The following PHF21B variants were observed in gnomAD, a reference collection of about 807,000 sequenced individuals.
The protein encoded by PHF21B is PHD finger protein 4.
A neutral mutation model predicts 62.2 loss-of-function variants in PHF21B; 22 were observed. That is an observed-to-expected ratio of 0.35 (90% confidence interval 0.25 to 0.51). The LOEUF (loss-of-function observed/expected upper bound fraction) is 0.51, where lower values mean the gene tolerates loss of function less well. Ranked by LOEUF, PHF21B falls within the 20% of genes least tolerant of loss-of-function variation. The pLI, the probability that PHF21B is intolerant of heterozygous loss-of-function variation, is 0.97. For missense variants in PHF21B, 701 were observed against 707.9 expected (o/e 0.99, Z 0.11); for synonymous variants, 341 against 314.7 (o/e 1.08, Z -0.88).
At chr22:44,976,722 C>T (rs988253681) in intron 2 of PHF21B, among the ~76,000 whole-genome samples, 19 of 152,232 alleles carry the variant, frequency 1.2e-4, no homozygotes, top group African/African-American at 4.6e-4. Flanking sequence ...AAGCCCCACA[C>T]CTACAGGCCC....
At chr22:45,002,042 T>C (rs2073230035) in intron 2 of PHF21B, 1 of 152,230 alleles carries the variant, frequency 6.6e-6, no homozygotes, top group Admixed American at 6.5e-5. Flanking sequence ...ACCAAAATGA[T>C]AGAATGCTGA....
Position 45,009,461 on chromosome 22 carries a change from C to T in PHF21B, c.54+35G>A. On this transcript the variant is annotated intron_variant, in intron 1 of 12. Transcript: ENST00000313237. The surrounding 1 kb of genome is among the most constrained non-coding windows in gnomAD (Gnocchi z 5.9). ...CCCGACCCCCTCACCCCGCAACACA[C>T]TCCCCGGCCCCGGGCCCGGCCCCCG... The T allele has an allele frequency of 1.3e-6, 2 of 1,521,504 alleles. No homozygotes were observed. The highest frequency in any genetic ancestry group is 2.4e-5 in the South Asian group (2 of 82,630). 94.3% of individuals were successfully genotyped at this position (1,521,504 alleles called of 1,614,324 possible).
intron 2 of PHF21B, among the ~76,000 whole-genome samples, chr22:44,988,101 T>G (rs1335737559): frequency 6.6e-6 from 1 of 152,186 alleles, no homozygotes; most frequent in Non-Finnish European, 1.5e-5. Flanking sequence ...GAGAACATCT[T>G]TGTGGAATAC....
At chr22:44,910,917 T>C (rs1351893704) in intron 5 of PHF21B, among the ~76,000 whole-genome samples, 2 of 152,222 alleles carry the variant, frequency 1.3e-5, no homozygotes, top group Non-Finnish European at 2.9e-5. Flanking sequence ...CAGAACTTAC[T>C]AGAGATTTGT....
chr22:44,976,810 A>C (rs2072745830), intron 2 of PHF21B, among the ~76,000 whole-genome samples: 1 of 152,252 alleles, frequency 6.6e-6, no homozygotes, highest in Admixed American at 6.5e-5. Context: ...TTGAAGAATA[A>C]TACCAGAAGC....
At chr22:44,936,108 G>T (rs756329679) in intron 2 of PHF21B, among the ~76,000 whole-genome samples, 1 of 152,234 alleles carries the variant, frequency 6.6e-6, no homozygotes. Flanking sequence ...TCCAAATACC[G>T]TGGAGAACAT....
chr22:44,986,930 C>T (rs992934953), intron 2 of PHF21B, among the ~76,000 whole-genome samples: 1 of 151,854 alleles, frequency 6.6e-6, no homozygotes, highest in Non-Finnish European at 1.5e-5. Flanking sequence ...GGTCCTGGAG[C>T]TGGGGAAAGG....
intron 2 of PHF21B, among the ~76,000 whole-genome samples, chr22:44,951,927 T>C (rs1051344671): frequency 2.0e-5 from 3 of 152,216 alleles, no homozygotes; most frequent in African/African-American, 7.2e-5. Flanking sequence ...AAAGAGGTGG[T>C]GAACAAGAGT....
chr22:44,907,687 A>G (rs748142487), intron 5 of PHF21B, among the ~76,000 whole-genome samples: 1 of 152,332 alleles, frequency 6.6e-6, no homozygotes, highest in Non-Finnish European at 1.5e-5. Flanking sequence ...ACTTACATCT[A>G]TCCTGATTCT....
intron 2 of PHF21B, among the ~76,000 whole-genome samples, chr22:45,007,038 G>C (rs1339625583): frequency 6.6e-6 from 1 of 151,944 alleles, no homozygotes. Flanking sequence ...CCGGGGCCGC[G>C]CGCCGGGCCC....
chr22:44,888,005 C>T lies in PHF21B; in HGVS notation c.1155G>A (p.Thr385=), dbSNP rs767144629. 2.9e-5 allele frequency: 45 copies of T among 1,570,940 alleles called. No individual in the cohort carries two copies. The highest frequency in any genetic ancestry group is 6.9e-5 in the East Asian group (3 of 43,276). The change falls in exon 10 of 13, where the codon ACG becomes ACA. Residue 385 remains threonine (T), a synonymous_variant. Transcript: ENST00000313237. The part of the protein sequence containing the change: ...HLSCLEPPLK[T]APKGVWVCPR... ...GGCACACCCACACGCCCTTGGGCGC[C>T]GTCTTGAGGGGCGGCTCCAGGCAGC...
rs556878059 is a variant in PHF21B at position 44,954,730 on chromosome 22, G to T, written c.121-34240C>A. Among the ~76,000 whole-genome samples, 31 of 152,326 alleles carry T rather than the reference G, an allele frequency of 2.0e-4. 1 individual carries two copies. Among genetic ancestry groups the T allele is most frequent in the African/African-American group, 6.7e-4 (28 of 41,564 alleles). ...CAACATCCATCTCTAGGCACCGAGC[G>T]TATTGTGTTTGTAGAGACCGGGCTT... On this transcript the variant is annotated intron_variant, in intron 2 of 12. Coordinates refer to ENST00000313237, the MANE Select transcript of PHF21B (RefSeq NM_138415.5).
intron 2 of PHF21B, among the ~76,000 whole-genome samples, chr22:44,973,152 C>T (rs2072671249): frequency 6.6e-6 from 1 of 152,136 alleles, no homozygotes. Flanking sequence ...CAGAAGTCCC[C>T]GAGGGGCTGC....
chr22:44,902,544 A>G (rs2147275812), intron 5 of PHF21B: 1 of 156,052 alleles, frequency 6.4e-6, no homozygotes, highest in East Asian at 1.8e-4. Context: ...TGCTGTATCC[A>G]TGGCCCTCTG....
At chr22:45,007,564 A>AGAAGGAG (rs1315400302) in intron 2 of PHF21B, among the ~76,000 whole-genome samples, 2 of 14,998 alleles carry the variant, frequency 1.3e-4, no homozygotes, top group Admixed American at 9.6e-4. Context: ...CGGGGCGCGA[A>AGAAGGAG]GGAGGGAGGG....
chr22:44,925,218 T>C (rs775046390), intron 2 of PHF21B, among the ~76,000 whole-genome samples: 21 of 152,248 alleles, frequency 1.4e-4, no homozygotes, highest in Non-Finnish European at 2.5e-4. Context: ...ACGATCTTCA[T>C]TGTGGCAATG....
At chr22:44,936,627 A>G (rs1020485567) in intron 2 of PHF21B, among the ~76,000 whole-genome samples, 1 of 152,364 alleles carries the variant, frequency 6.6e-6, no homozygotes, top group Admixed American at 6.5e-5. Context: ...TATCTAATTA[A>G]TATTTTAAAA....
chr22:44,995,191 A>C (rs571638160), intron 2 of PHF21B, among the ~76,000 whole-genome samples: 1 of 152,306 alleles, frequency 6.6e-6, no homozygotes, highest in South Asian at 2.1e-4. Context: ...GGATGTAATA[A>C]AATGTGTTGC....
chr22:44,944,217 G>C (rs2072018989), intron 2 of PHF21B, among the ~76,000 whole-genome samples: 1 of 152,202 alleles, frequency 6.6e-6, no homozygotes, highest in Admixed American at 6.5e-5. Context: ...GAACCCTGAT[G>C]GCAAAGGTGC....
Sources: gnomAD v4.1 joint callset for allele counts (sites outside exome capture counted in the v4.1 genomes callset) on GRCh38, gnomAD v4.1.1 for gene constraint, Gnocchi (gnomAD v3.1) non-coding constraint, MANE v1.5 for transcripts, NCBI Gene and HGNC (gene_info 2026-07-23, HGNC 2026-07-21) for gene names.